STS: variants seen among roughly 807,000 people sequenced by gnomAD.
STS encodes the protein steryl-sulfatase.
In STS, 7 loss-of-function variants were observed where a neutral mutation model predicts 26.8. That is an observed-to-expected ratio of 0.26 (90% confidence interval 0.15 to 0.49). STS has a LOEUF of 0.49. Among genes scored for constraint, STS ranks in the 20% least tolerant of loss-of-function variants. The pLI is 0.98. For synonymous variants in STS, 199 were observed against 189.4 expected (o/e 1.05, Z -0.42); for missense variants, 434 against 465.6 (o/e 0.93, Z 0.63).
At chrX:7,196,595 A>G (rs760701182) in intron 2 of STS, among the ~76,000 whole-genome samples, 43 of 111,959 alleles carry the variant, frequency 3.8e-4, no homozygotes, top group Non-Finnish European at 7.3e-4. Context: ...TGGGATCCAC[A>G]CCACCACCAC....
Position 7,274,326 on chromosome X carries a change from A to G in STS, c.807-1625A>G, listed in dbSNP as rs192959532. Among the ~76,000 whole-genome samples the G allele has an allele frequency of 2.6e-3, 293 of 111,382 alleles. 2 individuals carry two copies. Among genetic ancestry groups the G allele is most frequent in the African/African-American group, 9.3e-3 (286 of 30,656 alleles). ...TAAGGTGTGTCTGTCCCCTCTAAGCATTGCAGCTTCTTGCACAAATCTCTC... is the reference window on the plus strand; with the variant it reads ...TAAGGTGTGTCTGTCCCCTCTAAGCGTTGCAGCTTCTTGCACAAATCTCTC... On this transcript the variant is annotated intron_variant, in intron 6 of 10. Coordinates refer to ENST00000674429, the MANE Select transcript of STS (RefSeq NM_001320752.2).
chrX:7,331,425 G>A (rs780547848), intron 9 of STS, among the ~76,000 whole-genome samples: 2 of 110,617 alleles, frequency 1.8e-5, no homozygotes, highest in Non-Finnish European at 3.8e-5. Flanking sequence ...GAGCCATGAG[G>A]GCACTAGGGC....
intron 10 of STS, among the ~76,000 whole-genome samples, chrX:7,342,498 C>T (rs1174616633): frequency 8.9e-6 from 1 of 112,395 alleles, no homozygotes; most frequent in African/African-American, 3.2e-5. Flanking sequence ...TCCTCAAATA[C>T]TCAGGCATCA....
intron 2 of STS, among the ~76,000 whole-genome samples, chrX:7,218,786 C>T (rs1416209074): frequency 8.9e-6 from 1 of 112,063 alleles, no homozygotes; most frequent in Admixed American, 9.4e-5. Flanking sequence ...GCGACAATGT[C>T]GGTGGTATTT....
chrX:7,239,654 A>G (rs1429842413), intron 2 of STS, among the ~76,000 whole-genome samples: 1 of 111,995 alleles, frequency 8.9e-6, no homozygotes, highest in Non-Finnish European at 1.9e-5. Flanking sequence ...AATAATTTTT[A>G]AAGGGAAAAT....
intron 2 of STS, among the ~76,000 whole-genome samples, chrX:7,233,749 C>T (rs1246764329): frequency 1.8e-5 from 2 of 111,268 alleles, no homozygotes; most frequent in Non-Finnish European, 3.8e-5. Context: ...GTCAGATGCC[C>T]GGGCTGATTA....
rs774600760 is a variant in STS at position 7,233,482 on chromosome X, A to C, written c.-4-19714A>C. On this transcript the variant is annotated intron_variant, in intron 2 of 10. Transcript: ENST00000674429. ...TGGATCATATGGCAGTTCTAGTTTT[A>C]GTTTTTTGAGAAGTCTCCATACGGT... is the stretch of plus-strand genomic sequence containing the variant. Among the ~76,000 whole-genome samples, 3 of 111,629 alleles carry C rather than the reference A, an allele frequency of 2.7e-5. No individual in the cohort carries two copies. The East Asian group carries it at 8.5e-4, about 31-fold the overall frequency.
chrX:7,349,980 G>C lies in STS; in HGVS notation c.1456G>C (p.Gly486Arg), dbSNP rs1399107691. The C allele has an allele frequency of 8.3e-7, 1 of 1,211,469 alleles. No homozygotes were observed. The highest frequency in any genetic ancestry group is 1.8e-5 in the South Asian group (1 of 56,946). Residue 486 changes from glycine (G) to arginine (R), a missense_variant, in exon 11 of 11, where the codon GGG (glycine) becomes CGG (arginine). Physicochemically the swap from Gly to Arg is moderately radical, Grantham distance 125. Around this residue, in one of 2 missense-constraint regions of STS, gnomAD observed 205 missense variants for 177.3 expected, o/e 1.16. Transcript: ENST00000674429. ...TGCCACACACGTGTGCTTCTGTTTC[G>C]GGAGTTATGTCACCCATCACGACCC... ...CFATHVCFCF[G>R]SYVTHHDPPL...
intron 6 of STS, among the ~76,000 whole-genome samples, chrX:7,263,431 T>C (rs112718317): frequency 0.02 from 2,302 of 112,844 alleles, 51 homozygotes; most frequent in African/African-American, 0.067. Flanking sequence ...TATGTCTAGA[T>C]AAATACTTGC....
chrX:7,313,364 T>G (rs1426894529), intron 8 of STS, among the ~76,000 whole-genome samples: 1 of 112,554 alleles, frequency 8.9e-6, no homozygotes, highest in Non-Finnish European at 1.9e-5. Flanking sequence ...GAGTTGCTTC[T>G]TACAGTCACT....
At chrX:7,272,514 G>C (rs1244514687) in intron 6 of STS, among the ~76,000 whole-genome samples, 1 of 111,627 alleles carries the variant, frequency 9.0e-6, no homozygotes, top group South Asian at 3.8e-4. Flanking sequence ...TAGAGCAACC[G>C]TTACATAAAC....
At chrX:7,267,628 C>A (rs763619545) in intron 6 of STS, among the ~76,000 whole-genome samples, 4 of 111,966 alleles carry the variant, frequency 3.6e-5, no homozygotes, top group African/African-American at 6.5e-5. Context: ...TCGTGTTTTT[C>A]TCTGAAGATA....
At chrX:7,328,046 G>C (rs1396312616) in intron 9 of STS, among the ~76,000 whole-genome samples, 3 of 111,786 alleles carry the variant, frequency 2.7e-5, no homozygotes, top group African/African-American at 9.7e-5. Flanking sequence ...AAACATGGCA[G>C]CAGTGTCTCA....
intron 7 of STS, among the ~76,000 whole-genome samples, chrX:7,293,588 T>G (rs2147126174): frequency 8.9e-6 from 1 of 111,939 alleles, no homozygotes; most frequent in Admixed American, 9.5e-5. Flanking sequence ...TGGCATTTTT[T>G]TTTCTTCCAT....
intron 10 of STS, among the ~76,000 whole-genome samples, chrX:7,347,360 T>C (rs1928571895): frequency 1.8e-5 from 2 of 112,096 alleles, no homozygotes; most frequent in Non-Finnish European, 3.8e-5. Context: ...ATGAAAAGTT[T>C]TTAAAAATCC....
chrX:7,233,533 C>T (rs1356013721), intron 2 of STS, among the ~76,000 whole-genome samples: 1 of 111,525 alleles, frequency 9.0e-6, no homozygotes, highest in African/African-American at 3.3e-5. Flanking sequence ...TACTAGTTTA[C>T]ATTTCCACCT....
intron 2 of STS, among the ~76,000 whole-genome samples, chrX:7,248,340 A>G (rs775850003): frequency 1.2e-4 from 13 of 112,285 alleles, no homozygotes; most frequent in Non-Finnish European, 2.1e-4. Flanking sequence ...GTCTGCTACA[A>G]TGCATTTACT....
chrX:7,286,043 C>T (rs1287385078), intron 7 of STS, among the ~76,000 whole-genome samples: 1 of 112,109 alleles, frequency 8.9e-6, no homozygotes, highest in African/African-American at 3.2e-5. Context: ...AGTGAAGCAA[C>T]AAATTGGGCT....
chrX:7,298,726 T>C (rs965682175), intron 7 of STS, among the ~76,000 whole-genome samples: 1 of 109,339 alleles, frequency 9.1e-6, no homozygotes, highest in Non-Finnish European at 1.9e-5. Flanking sequence ...TTATTGCAAC[T>C]CTTATCTATC....
Sources: gnomAD v4.1 joint callset for allele counts (sites outside exome capture counted in the v4.1 genomes callset) on GRCh38, gnomAD v4.1.1 for gene constraint, gnomAD v4.1.1 regional missense constraint, MANE v1.5 for transcripts, NCBI Gene and HGNC (gene_info 2026-07-23, HGNC 2026-07-21) for gene names.